LMNB1: variants seen among roughly 807,000 people sequenced by gnomAD.
LMNB1 encodes the protein lamin B1.
A neutral mutation model predicts 67.1 loss-of-function variants in LMNB1; 23 were observed. That is an observed-to-expected ratio of 0.34 (90% confidence interval 0.25 to 0.49). The LOEUF (loss-of-function observed/expected upper bound fraction) is 0.49, where lower values mean the gene tolerates loss of function less well. LMNB1 is among the 20% of genes least tolerant of loss of function. The pLI, the probability that LMNB1 is intolerant of heterozygous loss-of-function variation, is 0.99. For missense variants in LMNB1, 634 were observed against 746.5 expected, an observed-to-expected ratio of 0.85 and a Z score of 1.76; for synonymous variants, 281 against 282.9, an observed-to-expected ratio of 0.99 and a Z score of 0.07.
chr5:126,789,783 C>T (rs757736985), intron 1 of LMNB1, among the ~76,000 whole-genome samples: 4 of 152,078 alleles, frequency 2.6e-5, no homozygotes, highest in Non-Finnish European at 5.9e-5. Context: ...AAGTGATTCT[C>T]CTGCCTCAGC....
intron 10 of LMNB1, among the ~76,000 whole-genome samples, chr5:126,833,985 A>G (rs932896165): frequency 1.3e-5 from 2 of 152,216 alleles, no homozygotes; most frequent in Non-Finnish European, 1.5e-5. Context: ...CTTACTTCCC[A>G]TAATTCTGTG....
intron 3 of LMNB1, among the ~76,000 whole-genome samples, chr5:126,808,227 A>G (rs1424342275): frequency 6.6e-6 from 1 of 151,690 alleles, no homozygotes; most frequent in Non-Finnish European, 1.5e-5. Flanking sequence ...TCTGTTGCCC[A>G]GGCTGGTGTG....
At chr5:126,785,941 G>A (rs567687212) in intron 1 of LMNB1, among the ~76,000 whole-genome samples, 1 of 151,722 alleles carries the variant, frequency 6.6e-6, no homozygotes, top group South Asian at 2.1e-4. Context: ...TTGAACCTGG[G>A]AGGCAGAGGT....
intron 1 of LMNB1, among the ~76,000 whole-genome samples, chr5:126,795,988 A>G (rs1251229216): frequency 2.5e-5 from 3 of 119,616 alleles, no homozygotes; most frequent in Non-Finnish European, 4.9e-5. Context: ...GTGGGAGTGC[A>G]ATGGTGCGAT....
At chr5:126,826,192 T>C (rs1408817952) in intron 9 of LMNB1, 85 bp downstream of exon 9, 2 of 1,453,774 alleles carry the variant, frequency 1.4e-6, no homozygotes, top group African/African-American at 2.8e-5. Context: ...GATTGAAACG[T>C]GCAATAACCG....
At chr5:126,793,941 A>ATT (rs397942739) in intron 1 of LMNB1, among the ~76,000 whole-genome samples, 15 of 149,406 alleles carry the variant, frequency 1.0e-4, no homozygotes, top group African/African-American at 1.5e-4. Flanking sequence ...TTTTTGTGTA[A>ATT]TTTTTTTTTT....
At chr5:126,831,656 T>A (rs1053161677) in intron 9 of LMNB1, among the ~76,000 whole-genome samples, 1 of 152,210 alleles carries the variant, frequency 6.6e-6, no homozygotes, top group African/African-American at 2.4e-5. Context: ...GTCCCTGAGA[T>A]CACAGTTGGC....
At chr5:126,833,626 A>G (rs556934392) in intron 10 of LMNB1, among the ~76,000 whole-genome samples, 2 of 152,332 alleles carry the variant, frequency 1.3e-5, no homozygotes, top group African/African-American at 4.8e-5. Flanking sequence ...TTTAAAACAC[A>G]TATGTTACAC....
At chr5:126,792,950 A>G (rs1049040413) in intron 1 of LMNB1, among the ~76,000 whole-genome samples, 3 of 152,220 alleles carry the variant, frequency 2.0e-5, no homozygotes, top group Non-Finnish European at 4.4e-5. Context: ...GAGAGGCTAG[A>G]GGAGCAATAA....
intron 5 of LMNB1, among the ~76,000 whole-genome samples, chr5:126,815,479 A>G (rs1050696128): frequency 6.6e-6 from 1 of 152,150 alleles, no homozygotes; most frequent in Non-Finnish European, 1.5e-5. Context: ...AACACCTCTA[A>G]CTTTTGTTTT....
intron 1 of LMNB1, among the ~76,000 whole-genome samples, chr5:126,798,836 A>G (rs1338718434): frequency 6.6e-6 from 1 of 151,804 alleles, no homozygotes; most frequent in Non-Finnish European, 1.5e-5. Flanking sequence ...TTTTCTGTGC[A>G]GAAGATGTAG....
chr5:126,782,739 C>T (rs560655558), intron 1 of LMNB1, among the ~76,000 whole-genome samples: 1 of 151,708 alleles, frequency 6.6e-6, no homozygotes, highest in African/African-American at 2.4e-5. Context: ...TAGTAGAGAC[C>T]AGGTTTCACC....
At chr5:126,793,624 C>T (rs1398751744) in intron 1 of LMNB1, among the ~76,000 whole-genome samples, 1 of 152,126 alleles carries the variant, frequency 6.6e-6, no homozygotes, top group Non-Finnish European at 1.5e-5. Context: ...CCTGTAATCC[C>T]AGCACTTTGG....
chr5:126,832,889 A>C, intron 10 of LMNB1, 88 bp downstream of exon 10: 1 of 810,774 alleles, frequency 1.2e-6, no homozygotes. Context: ...TTTTTCCCCT[A>C]TCAGTTGATG....
At position 126,810,294 on chromosome 5, in the gene LMNB1, C is replaced by A. The variant is rs146138211; in HGVS notation, c.757C>A (p.His253Asn). ...AQALHEMREQ[H>N]DAQVRLYKEE... ...AGCCCTTCATGAGATGAGAGAGCAA[C>A]ATGATGCCCAAGTGAGGCTGTATAA... The change falls in exon 4 of 11, where the codon CAT becomes AAT. Residue 253 changes from histidine (H) to asparagine (N), a missense_variant. By Grantham distance (68) the His-to-Asn change is moderately conservative. Coordinates refer to ENST00000261366, the MANE Select transcript of LMNB1 (RefSeq NM_005573.4). The A allele has an allele frequency of 1.1e-5, 17 of 1,613,594 alleles. No individual in the cohort carries two copies. Among genetic ancestry groups the A allele is most frequent in the Non-Finnish European group, 1.4e-5 (17 of 1,179,684 alleles).
rs904662747 is a variant in LMNB1, at chr5:126,795,683, G to A, written c.360-9093G>A. Among the ~76,000 whole-genome samples the A allele has an allele frequency of 2.0e-5, 3 of 152,090 alleles. No individual in the cohort carries two copies. In the East Asian group the frequency reaches 5.8e-4, roughly 29 times the overall value. ...CTGTCGCCCAGGCTGGAGTGCAATGGTGCAATCTTGGCTCACAGCAACCTC... is the reference window on the plus strand; with the variant it reads ...CTGTCGCCCAGGCTGGAGTGCAATGATGCAATCTTGGCTCACAGCAACCTC... On this transcript the variant is annotated intron_variant, in intron 1 of 10. Coordinates refer to ENST00000261366, the MANE Select transcript of LMNB1 (RefSeq NM_005573.4).
rs969090450 is a variant in LMNB1, at chr5:126,777,254, T to G, written c.-255T>G. The G allele has an allele frequency of 4.3e-5, 15 of 346,370 alleles. No individual in the cohort carries two copies. Among genetic ancestry groups the G allele is most frequent in the African/African-American group, 3.0e-4 (14 of 46,548 alleles). The allele number at this position is 346,370 out of a possible 1,614,324, so 21.5% of individuals were successfully genotyped here. On this transcript the variant is annotated 5_prime_UTR_variant, in exon 1 of 11. Transcript: ENST00000261366. ...TTTCCCGCGTGCGTGTGTGAGTGGG[T>G]GTGTGTGTTTTCTTACAAAGGGTAT...
In LMNB1 at chr5:126,814,196, A is replaced by AT. The variant is rs371798007; in HGVS notation, c.939+2299dup. Reference sequence around the variant, plus strand: ...AGGCGTGAGCCACTGCACCTGGCCTATATCAACTGTCTTAACAGGTACTTT... The same window carrying AT: ...AGGCGTGAGCCACTGCACCTGGCCTATTATCAACTGTCTTAACAGGTACTTT... On this transcript the variant is annotated intron_variant, in intron 5 of 10. Transcript: ENST00000261366. Among the ~76,000 whole-genome samples the AT allele has an allele frequency of 2.7e-3, 407 of 152,314 alleles. 1 individual carries two copies. The highest frequency in any genetic ancestry group is 9.4e-3 in the African/African-American group (389 of 41,580).
At chr5:126,828,529 A>G (rs557867028) in intron 9 of LMNB1, among the ~76,000 whole-genome samples, 102 of 152,262 alleles carry the variant, frequency 6.7e-4, no homozygotes, top group Admixed American at 2.0e-3. Flanking sequence ...TCATAACTCA[A>G]ACATTGAATA....
Sources: allele counts gnomAD v4.1 joint callset (sites outside exome capture counted in the v4.1 genomes callset), GRCh38; gene constraint gnomAD v4.1.1; transcripts MANE v1.5; gene names NCBI Gene and HGNC (gene_info 2026-07-23, HGNC 2026-07-21).